SDAD1: variants seen among roughly 807,000 people sequenced by gnomAD.
The protein encoded by SDAD1 is protein SDA1 homolog.
In SDAD1, 79 loss-of-function variants were observed where a neutral mutation model predicts 100.3. The ratio of observed to expected loss-of-function variants is 0.79; its 90% CI spans 0.66 to 0.95. The LOEUF is 0.95. Among genes scored for constraint, SDAD1 ranks in the 40% least tolerant of loss-of-function variants. The probability of loss-of-function intolerance (pLI) is 0.00; values close to 1 mark genes in which losing one functional copy is unlikely to be tolerated. For missense variants in SDAD1, 790 were observed against 810.9 expected (o/e 0.97, Z 0.31); for synonymous variants, 267 against 271.4 (o/e 0.98, Z 0.16).
At chr4:75,987,492 C>T (rs567942769) in intron 1 of SDAD1, among the ~76,000 whole-genome samples, 108 of 152,156 alleles carry the variant, frequency 7.1e-4, no homozygotes, top group African/African-American at 2.5e-3. Flanking sequence ...ACATCCATGT[C>T]GCTAATTTTT....
chr4:75,952,026 T>C (rs1201224098), intron 21 of SDAD1, among the ~76,000 whole-genome samples: 2 of 152,234 alleles, frequency 1.3e-5, no homozygotes, highest in African/African-American at 2.4e-5. Context: ...AGTTGACTCT[T>C]TGCCTTTAAC....
At chr4:75,965,876 A>G in intron 12 of SDAD1, 54 bp from the exon 13 acceptor site, 1 of 1,445,966 alleles carries the variant, frequency 6.9e-7, no homozygotes, top group Non-Finnish European at 9.7e-7. Flanking sequence ...CCTGCCTCTG[A>G]GGACCACAGC....
At chr4:75,986,138 A>G (rs1730878356) in intron 1 of SDAD1, among the ~76,000 whole-genome samples, 1 of 151,872 alleles carries the variant, frequency 6.6e-6, no homozygotes, top group Non-Finnish European at 1.5e-5. Flanking sequence ...TTTTTTTTAG[A>G]GCCAAGGTCC....
At chr4:75,968,433 C>T (rs988739702) in intron 11 of SDAD1, among the ~76,000 whole-genome samples, 3 of 152,000 alleles carry the variant, frequency 2.0e-5, no homozygotes, top group African/African-American at 4.8e-5. Flanking sequence ...GCACCAGTCA[C>T]GAGATCAAAA....
chr4:75,959,116 A>AAAAAAAAAAAAAAAAAC (rs1729081919), intron 17 of SDAD1, among the ~76,000 whole-genome samples: 1 of 145,250 alleles, frequency 6.9e-6, no homozygotes, highest in Non-Finnish European at 1.5e-5. Flanking sequence ...AAAAAAAAAA[A>AAAAAAAAAAAAAAAAAC]AAAAAAAAAA....
chr4:75,968,161 A>G (rs1358028362), intron 11 of SDAD1, among the ~76,000 whole-genome samples: 2 of 152,114 alleles, frequency 1.3e-5, no homozygotes, highest in Non-Finnish European at 2.9e-5. Flanking sequence ...ATCACAAATC[A>G]CTTTTTCTTT....
At chr4:75,974,190 C>A (rs1730025176) in intron 6 of SDAD1, 57 bp from the exon 7 acceptor site, 1 of 1,347,442 alleles carries the variant, frequency 7.4e-7, no homozygotes, top group Admixed American at 1.7e-5. Context: ...TATTTCATAG[C>A]ACAGACAATG....
intron 17 of SDAD1, among the ~76,000 whole-genome samples, chr4:75,959,578 T>C (rs1434392464): frequency 6.6e-6 from 1 of 151,334 alleles, no homozygotes; most frequent in Admixed American, 6.6e-5. Flanking sequence ...CACTCCAGCC[T>C]GGGCAAGAGC....
Position 75,964,169 on chromosome 4 carries a change from T to C in SDAD1, c.1147A>G (p.Thr383Ala). The C allele has an allele frequency of 1.2e-6, 2 of 1,608,898 alleles. No homozygotes were observed. The highest frequency in any genetic ancestry group is 2.2e-5 in the South Asian group (2 of 89,626). The change falls in exon 14 of 22, where the codon ACC (threonine) becomes GCC (alanine). Residue 383 changes from threonine to alanine, a missense_variant. Thr to Ala is a moderately conservative substitution (Grantham distance 58). Transcript: ENST00000356260. ...ATGACTTCTCCAGAGTTCTTGTCGGTAACAAAATTGTTTGCCACAGTCATA... is the reference window on the plus strand; with the variant it reads ...ATGACTTCTCCAGAGTTCTTGTCGGCAACAAAATTGTTTGCCACAGTCATA... ...LLMTVANNFV[T>A]DKNSGEVMTV...
chr4:75,974,401 G>T (rs1473180917), intron 6 of SDAD1, among the ~76,000 whole-genome samples: 8 of 89,456 alleles, frequency 8.9e-5, no homozygotes, highest in African/African-American at 3.8e-4. Flanking sequence ...CTAGTCAAGT[G>T]CAAAAAAAAA....
Position 75,969,332 on chromosome 4 carries a change from G to T in SDAD1, c.951C>A (p.Leu317=). The part of the protein sequence containing the change: ...CKERFEVKMM[L]MNLISRLVGI... ...CCACCAATCTGGAGATAAGGTTCAT[G>T]AGCATCATCTTCACTTCAAACCTCT... The change falls in exon 11 of 22, where the codon CTC becomes CTA. Residue 317 remains leucine (L), a synonymous_variant. Coordinates refer to ENST00000356260, the MANE Select transcript of SDAD1 (RefSeq NM_018115.4). 6.2e-7 allele frequency: 1 copy of T among 1,613,676 alleles called. No homozygotes were observed. The highest frequency in any genetic ancestry group is 1.1e-5 in the South Asian group (1 of 90,994).
chr4:75,950,772 T>G lies in SDAD1; in HGVS notation c.2042A>C (p.Lys681Thr). Residue 681 changes from lysine to threonine, a missense_variant, in exon 22 of 22, where the codon AAA (lysine) becomes ACA (threonine). Transcript: ENST00000356260. ...AAGTTACTTCATTCTTTTTCTCTTT[T>G]TCAAAAGTGCATCTCGTAGTGCCAA... ...KQLALRDALLKKRKRMK is the reference protein window; with the variant it reads ...KQLALRDALLTKRKRMK The G allele has an allele frequency of 6.3e-7, 1 of 1,593,596 alleles. No individual in the cohort carries two copies. The highest frequency in any genetic ancestry group is 8.6e-7 in the Non-Finnish European group (1 of 1,163,832).
In SDAD1 at chr4:75,959,795, C is replaced by T. The variant is rs554451458; in HGVS notation, c.1483+271G>A. ...TTTTTCTAGGCAACAAACACAAGAT[C>T]ATTGTCTTTCTCAAGCACCAAACAG... is the stretch of plus-strand genomic sequence containing the variant. On this transcript the variant is annotated intron_variant, in intron 17 of 21. Transcript: ENST00000356260. Among the ~76,000 whole-genome samples the T allele has an allele frequency of 9.2e-5, 14 of 152,254 alleles. No homozygotes were observed. The South Asian group carries it at 2.9e-3, about 32-fold the overall frequency.
At chr4:75,990,286 CCT>C (rs1560562204) in intron 1 of SDAD1, among the ~76,000 whole-genome samples, 5 of 136,422 alleles carry the variant, frequency 3.7e-5, no homozygotes, top group Non-Finnish European at 1.6e-5. Context: ...CCCCCCCCCC[CCT>C]TTCCTGGCAC....
intron 1 of SDAD1, among the ~76,000 whole-genome samples, chr4:75,986,612 G>T (rs967164624): frequency 6.6e-6 from 1 of 152,032 alleles, no homozygotes; most frequent in Non-Finnish European, 1.5e-5. Context: ...CTCAATCAAG[G>T]TCTTTGCTTC....
rs371056748 is a variant in SDAD1, at chr4:75,961,324, C to T, written c.1182-16G>A. 1.7e-5 allele frequency: 27 copies of T among 1,596,844 alleles called. No individual in the cohort carries two copies. Among genetic ancestry groups the T allele is most frequent in the Non-Finnish European group, 2.1e-5 (25 of 1,167,424 alleles). ...AGCATTGATTCTAGAAAAAGAAAAA[C>T]AAAGTTTAAAAGAGCCCGAATAGCA... On this transcript the variant is annotated splice_polypyrimidine_tract_variant and intron_variant, in intron 14 of 21. Coordinates refer to ENST00000356260, the MANE Select transcript of SDAD1 (RefSeq NM_018115.4).
chr4:75,964,258 T>A (rs1249042651), intron 13 of SDAD1, 47 bp from the exon 14 acceptor site: 1 of 1,218,342 alleles, frequency 8.2e-7, no homozygotes, highest in African/African-American at 1.5e-5. Flanking sequence ...AATGTCTGCA[T>A]ACACAAACAC....
At chr4:75,981,880 T>C (rs1473502224) in intron 2 of SDAD1, 53 bp downstream of exon 2, 1 of 1,222,628 alleles carries the variant, frequency 8.2e-7, no homozygotes, top group Non-Finnish European at 1.2e-6. Context: ...TGAAAAAACA[T>C]TCAGCAAACT....
chr4:75,962,666 T>C (rs553891903), intron 14 of SDAD1, among the ~76,000 whole-genome samples: 1 of 152,402 alleles, frequency 6.6e-6, no homozygotes, highest in South Asian at 2.1e-4. Context: ...TAAGCATTTT[T>C]TAATGTGCCT....
Sources: allele counts gnomAD v4.1 joint callset (sites outside exome capture counted in the v4.1 genomes callset), GRCh38; gene constraint gnomAD v4.1.1; transcripts MANE v1.5; gene names NCBI Gene and HGNC (gene_info 2026-07-23, HGNC 2026-07-21).